The following FHIP1B variants were observed in gnomAD, a reference collection of about 807,000 sequenced individuals.
FHIP1B encodes the protein FHF complex subunit HOOK-interacting protein 1B.
Under a neutral mutation model 82.2 loss-of-function variants are expected in FHIP1B, and 28 were observed. That is an observed-to-expected ratio of 0.34 (90% CI 0.25 to 0.47). The LOEUF (loss-of-function observed/expected upper bound fraction) is 0.47. FHIP1B is among the 20% of genes least tolerant of loss of function. The pLI is 1.00. For missense variants in FHIP1B, 1,110 were observed against 1,262.6 expected, an observed-to-expected ratio of 0.88 and a Z score of 1.83; for synonymous variants, 585 against 516.1, an observed-to-expected ratio of 1.13 and a Z score of -1.81.
intron 9 of FHIP1B, chr11:6,216,842 T>G: frequency 1.7e-6 from 1 of 574,674 alleles, no homozygotes; most frequent in South Asian, 2.2e-5. Context: ...AATCAAGTCC[T>G]TCTTTGAAGA....
chr11:6,226,068 G>T (rs1847556269), intron 1 of FHIP1B, among the ~76,000 whole-genome samples: 1 of 152,104 alleles, frequency 6.6e-6, no homozygotes, highest in African/African-American at 2.4e-5. Context: ...AAGGAAAGGG[G>T]TGGTTCAGTT....
chr11:6,232,259 A>C (rs1244067878), intron 1 of FHIP1B, among the ~76,000 whole-genome samples: 1 of 152,230 alleles, frequency 6.6e-6, no homozygotes, highest in Non-Finnish European at 1.5e-5. Flanking sequence ...GGATTTAGAC[A>C]GTCCCTAAGA....
In FHIP1B at chr11:6,217,575, G is replaced by T. The variant is rs376254533; in HGVS notation, c.2011C>A (p.Leu671Ile). ...CGGAGCTCCTGCCCAAAGCCCTCTA[G>T]TCCTGCCATGCCCTCGGAGATGCCC... ...LEGISEGMAG[L>I]EGFGQELREL... Residue 671 changes from leucine to isoleucine, a missense_variant, in exon 9 of 12, where the codon CTA (leucine) becomes ATA (isoleucine). Leu to Ile is a conservative substitution (Grantham distance 5, BLOSUM62 2). Transcript: ENST00000449352. The T allele has an allele frequency of 5.6e-6, 9 of 1,612,124 alleles. No individual in the cohort carries two copies. Among genetic ancestry groups the T allele is most frequent in the Non-Finnish European group, 6.8e-6 (8 of 1,179,054 alleles).
chr11:6,216,880 G>C lies in FHIP1B; in HGVS notation c.2215+491C>G, dbSNP rs1389155277. The C allele has an allele frequency of 6.7e-6, 4 of 594,514 alleles. No individual in the cohort carries two copies. In the African/African-American group the frequency reaches 7.4e-5, roughly 11 times the overall value. The allele number at this position is 594,514 out of a possible 1,614,324, so 36.8% of individuals were successfully genotyped here. A position where few individuals can be genotyped will look rare whatever the true frequency, so the allele number is the denominator to read the frequency against. ...TGGGGAGGAAGGAGCTGAGTAGGGA[G>C]AAAAATACCAGAAGGTTAACCTTAG... is the stretch of plus-strand genomic sequence containing the variant. On this transcript the variant is annotated intron_variant, in intron 9 of 11. Transcript: ENST00000449352.
intron 1 of FHIP1B, among the ~76,000 whole-genome samples, chr11:6,228,919 A>T (rs1050569585): frequency 6.6e-6 from 1 of 151,730 alleles, no homozygotes; most frequent in African/African-American, 2.4e-5. Context: ...AGTGGTAAGC[A>T]CTCTCCCCTA....
In FHIP1B at chr11:6,223,900, C is replaced by T; in HGVS notation, c.487G>A (p.Gly163Ser). Residue 163 changes from glycine (G) to serine (S), a missense_variant, in exon 3 of 12, where the codon GGC (glycine) becomes AGC (serine). Physicochemically the swap from Gly to Ser is moderately conservative, Grantham distance 56. Coordinates refer to ENST00000449352, the MANE Select transcript of FHIP1B (RefSeq NM_001098794.2). The surrounding 1 kb of genome is among the most constrained non-coding windows in gnomAD (Gnocchi z 4.8). ...GCTGGGCTACTGGGCACAGGGCGGC[C>T]ACAGGCATCCAGCAGGGTGAGCAGA... is the stretch of plus-strand genomic sequence containing the variant. ...EALLTLLDAC[G>S]RPVPSSPALD... 2 of 1,614,210 alleles carry T rather than the reference C, an allele frequency of 1.2e-6. No homozygotes were observed. Among genetic ancestry groups the T allele is most frequent in the Non-Finnish European group, 8.5e-7 (1 of 1,180,024 alleles).
At chr11:6,218,864 C>A in intron 7 of FHIP1B, 101 bp from the exon 8 acceptor site, 1 of 1,567,148 alleles carries the variant, frequency 6.4e-7, no homozygotes, top group Non-Finnish European at 8.8e-7. Context: ...AAGCCAGGCT[C>A]CAAGTGGAAA....
In FHIP1B at chr11:6,211,411, A is replaced by C. The variant is rs1179544958; in HGVS notation, c.*95T>G. ...AAAACATTCATCTGAAATAAATTAAAAAGTCCTTTTGCCACTGCCTCCAAA... is the reference window on the plus strand; with the variant it reads ...AAAACATTCATCTGAAATAAATTAACAAGTCCTTTTGCCACTGCCTCCAAA... On this transcript the variant is annotated 3_prime_UTR_variant, in exon 12 of 12. Coordinates refer to ENST00000449352, the MANE Select transcript of FHIP1B (RefSeq NM_001098794.2). 4.2e-6 allele frequency: 6 copies of C among 1,429,536 alleles called. No individual in the cohort carries two copies. Among genetic ancestry groups the C allele is most frequent in the African/African-American group, 1.4e-5 (1 of 69,912 alleles). 88.6% of individuals were successfully genotyped at this position (1,429,536 alleles called of 1,614,324 possible).
chr11:6,217,379 G>A lies in FHIP1B; in HGVS notation c.2207C>T (p.Pro736Leu). 6.2e-7 allele frequency: 1 copy of A among 1,613,988 alleles called. No homozygotes were observed. The highest frequency in any genetic ancestry group is 8.5e-7 in the Non-Finnish European group (1 of 1,179,956). The change falls in exon 9 of 12, where the codon CCC becomes CTC. Residue 736 changes from proline to leucine, a missense_variant. Around this residue, in one of 6 missense-constraint regions of FHIP1B, gnomAD observed 418 missense variants for 371.4 expected, o/e 1.13. Transcript: ENST00000449352. ...LRTLNQLPSQ[P>L]FTGPFMAVLF... ...TAGGCTAAGTAGCTTACCAGTGAAG[G>A]GCTGGCTTGGCAGCTGGTTGAGAGT...
intron 9 of FHIP1B, 118 bp downstream of exon 9, chr11:6,217,250 GGAT>G: frequency 1.2e-6 from 1 of 851,732 alleles, no homozygotes; most frequent in Non-Finnish European, 1.9e-6. Flanking sequence ...CAAGCAGGAT[GGAT>G]GAGGGGCTAG....
chr11:6,214,034 GAAAAAAAAAAAAAA>G (rs59502569), intron 11 of FHIP1B, among the ~76,000 whole-genome samples: 22 of 36,638 alleles, frequency 6.0e-4, no homozygotes, highest in Non-Finnish European at 9.5e-4. Context: ...GACCTCTCCT[GAAAAAAAAAAAAAA>G]AAAAAAAAAA....
At chr11:6,217,322 G>C in intron 9 of FHIP1B, 49 bp downstream of exon 9, 2 of 1,539,242 alleles carry the variant, frequency 1.3e-6, no homozygotes, top group Non-Finnish European at 1.8e-6. Flanking sequence ...AACATGTCGA[G>C]AACATGCAAA....
At chr11:6,230,134 G>A (rs997571545) in intron 1 of FHIP1B, among the ~76,000 whole-genome samples, 2 of 152,184 alleles carry the variant, frequency 1.3e-5, no homozygotes, top group Non-Finnish European at 2.9e-5. Flanking sequence ...GCCACACACA[G>A]CAAGGGTGAC....
At chr11:6,225,398 T>G (rs1243614329) in intron 1 of FHIP1B, among the ~76,000 whole-genome samples, 1 of 152,224 alleles carries the variant, frequency 6.6e-6, no homozygotes, top group African/African-American at 2.4e-5. Context: ...TCTCCCCAGA[T>G]AGGCCCTGCC....
chr11:6,222,731 C>T (rs972958674), intron 5 of FHIP1B, 80 bp downstream of exon 5: 1 of 1,549,508 alleles, frequency 6.5e-7, no homozygotes, highest in Non-Finnish European at 8.9e-7. Flanking sequence ...ACTCTACCCA[C>T]CGCCTCCTAC....
rs145608756 is a variant in FHIP1B at position 6,223,086 on chromosome 11, T to C, written c.930A>G (p.Val310=). The change falls in exon 4 of 12, where the codon GTA becomes GTG. Residue 310 remains valine (V), a synonymous_variant. Transcript: ENST00000449352. This position sits in a 1 kb window ranked among gnomAD's most constrained non-coding sequence, Gnocchi z 4.8. ...GCCAGACTTTCAGTCCTACCTGAAT[T>C]ACTGCATTGCAGAACTCCAGGGAAC... is the stretch of plus-strand genomic sequence containing the variant. The part of the protein sequence containing the change: ...FMSSLEFCNA[V]IQVAHPLVQK... 7.6e-6 allele frequency: 12 copies of C among 1,579,026 alleles called. No individual in the cohort carries two copies. The highest frequency in any genetic ancestry group is 1.9e-5 in the Admixed American group (1 of 51,436).
chr11:6,212,537 C>G (rs1035378563), intron 11 of FHIP1B, among the ~76,000 whole-genome samples: 7 of 152,342 alleles, frequency 4.6e-5, no homozygotes, highest in Non-Finnish European at 8.8e-5. Context: ...TGCACCAAAG[C>G]CTCTCTCCCA....
chr11:6,217,178 T>C (rs918351635), intron 9 of FHIP1B, 193 bp downstream of exon 9: 15 of 709,040 alleles, frequency 2.1e-5, no homozygotes, highest in South Asian at 4.4e-5. Context: ...AGCACAAGCA[T>C]GGAAGACGTA....
In FHIP1B at chr11:6,223,388, T is replaced by C; in HGVS notation, c.778-150A>G. 1 of 1,021,452 alleles carries C rather than the reference T, an allele frequency of 9.8e-7. No individual in the cohort carries two copies. The highest frequency in any genetic ancestry group is 1.4e-6 in the Non-Finnish European group (1 of 712,920). The allele number at this position is 1,021,452 out of a possible 1,614,324, so 63.3% of individuals were successfully genotyped here. ...TTTGCCTACCCAATGTGCCTGAAAC[T>C]CACCTAGAATTCACAGGCCTACAAA... On this transcript the variant is annotated intron_variant, in intron 3 of 11. Transcript: ENST00000449352. This position sits in a 1 kb window ranked among gnomAD's most constrained non-coding sequence, Gnocchi z 4.8.
Sources: allele counts gnomAD v4.1 joint callset (sites outside exome capture counted in the v4.1 genomes callset), GRCh38; gene constraint gnomAD v4.1.1; regional missense constraint gnomAD v4.1.1; non-coding constraint Gnocchi (gnomAD v3.1); transcripts MANE v1.5; gene names NCBI Gene and HGNC (gene_info 2026-07-23, HGNC 2026-07-21).